Variants in IL1RAPL2 observed in about 807,000 individuals in gnomAD.
IL1RAPL2 encodes interleukin 1 receptor accessory protein like 2.
IL1RAPL2 carries 3 observed loss-of-function variants against 44.1 expected under a neutral mutation model. The ratio of observed to expected loss-of-function variants is 0.07; its 90% CI spans 0.03 to 0.18. The LOEUF (loss-of-function observed/expected upper bound fraction) is 0.18. Ranked by LOEUF, IL1RAPL2 falls within the 10% of genes least tolerant of loss-of-function variation. The probability of loss-of-function intolerance (pLI) is 1.00; values close to 1 mark genes in which losing one functional copy is unlikely to be tolerated. For synonymous variants in IL1RAPL2, 181 were observed against 178.8 expected (o/e 1.01, Z -0.10); for missense variants, 391 against 496.4 (o/e 0.79, Z 2.02).
At chrX:105,267,122 A>G (rs947210361) in intron 4 of IL1RAPL2, among the ~76,000 whole-genome samples, 9 of 110,791 alleles carry the variant, frequency 8.1e-5, no homozygotes, top group Admixed American at 9.7e-5. Flanking sequence ...ATGCTATTCT[A>G]TTTATTTTTT....
At chrX:105,467,849 C>G (rs1442147595) in intron 5 of IL1RAPL2, among the ~76,000 whole-genome samples, 1 of 111,521 alleles carries the variant, frequency 9.0e-6, no homozygotes, top group Non-Finnish European at 1.9e-5. Context: ...TAGAGCAAGT[C>G]CTCAAACTCG....
intron 2 of IL1RAPL2, among the ~76,000 whole-genome samples, chrX:104,719,624 A>C (rs369750340): frequency 1.4e-4 from 16 of 111,688 alleles, no homozygotes; most frequent in African/African-American, 4.9e-4. Flanking sequence ...AAACCTATCC[A>C]GCTGAAAGAC....
At chrX:105,278,938 C>T (rs941158830) in intron 5 of IL1RAPL2, among the ~76,000 whole-genome samples, 8 of 111,552 alleles carry the variant, frequency 7.2e-5, no homozygotes, top group African/African-American at 2.3e-4. Flanking sequence ...TTTACATTTC[C>T]GTAATTTCCT....
chrX:105,574,820 G>A (rs1052069131), intron 6 of IL1RAPL2, among the ~76,000 whole-genome samples: 1 of 111,191 alleles, frequency 9.0e-6, no homozygotes, highest in African/African-American at 3.3e-5. Context: ...ATAGCAGATG[G>A]TATGATTTTG....
At chrX:105,260,283 C>A (rs1183973211) in intron 4 of IL1RAPL2, among the ~76,000 whole-genome samples, 1 of 112,456 alleles carries the variant, frequency 8.9e-6, no homozygotes, top group Non-Finnish European at 1.9e-5. Context: ...CCCAGCCCTC[C>A]TTCTGAGAGC....
At chrX:104,850,690 T>A (rs1349351933) in intron 2 of IL1RAPL2, among the ~76,000 whole-genome samples, 1 of 111,677 alleles carries the variant, frequency 9.0e-6, no homozygotes, top group Non-Finnish European at 1.9e-5. Context: ...AATTTGAAAG[T>A]CCTTTGAGAC....
At chrX:105,274,708 T>G (rs1417610681) in intron 5 of IL1RAPL2, among the ~76,000 whole-genome samples, 4 of 111,215 alleles carry the variant, frequency 3.6e-5, no homozygotes, top group African/African-American at 1.3e-4. Flanking sequence ...TTCTAAGAAA[T>G]GTTAAGAGAG....
chrX:105,378,776 A>G (rs1022199507), intron 5 of IL1RAPL2, among the ~76,000 whole-genome samples: 13 of 112,179 alleles, frequency 1.2e-4, no homozygotes, highest in African/African-American at 3.6e-4. Flanking sequence ...ACTAACTAGG[A>G]GCATGTTCTC....
chrX:105,221,518 G>C (rs2033964294), intron 3 of IL1RAPL2, among the ~76,000 whole-genome samples: 2 of 111,527 alleles, frequency 1.8e-5, no homozygotes, highest in Admixed American at 1.9e-4. Flanking sequence ...TTTATAGGCT[G>C]AGTTTGGACA....
intron 1 of IL1RAPL2, among the ~76,000 whole-genome samples, chrX:104,617,980 A>G (rs1002482098): frequency 9.0e-6 from 1 of 111,397 alleles, no homozygotes; most frequent in Non-Finnish European, 1.9e-5. Context: ...GGCACTTCTA[A>G]TTTTTTAATT....
At chrX:104,646,129 GGA>G (rs1930035106) in intron 1 of IL1RAPL2, among the ~76,000 whole-genome samples, 1 of 111,769 alleles carries the variant, frequency 8.9e-6, no homozygotes, top group South Asian at 3.7e-4. Context: ...AAAGTAGGTG[GGA>G]GAGTTAATAA....
intron 2 of IL1RAPL2, among the ~76,000 whole-genome samples, chrX:104,677,122 T>C (rs891534322): frequency 8.9e-6 from 1 of 112,149 alleles, no homozygotes; most frequent in Non-Finnish European, 1.9e-5. Flanking sequence ...CTGTCCAGCT[T>C]TGTTCCGTTG....
intron 5 of IL1RAPL2, among the ~76,000 whole-genome samples, chrX:105,476,477 A>G (rs370225179): frequency 3.6e-5 from 4 of 111,958 alleles, no homozygotes; most frequent in South Asian, 7.5e-4. Context: ...ACAAATTTTC[A>G]AATAATTCTG....
At chrX:104,994,870 T>C in intron 2 of IL1RAPL2, among the ~76,000 whole-genome samples, 1 of 110,782 alleles carries the variant, frequency 9.0e-6, no homozygotes. Flanking sequence ...ACTAGGAGAC[T>C]TGCAAGAGTA....
At chrX:104,630,160 T>TG (rs1371123284) in intron 1 of IL1RAPL2, among the ~76,000 whole-genome samples, 1 of 103,667 alleles carries the variant, frequency 9.6e-6, no homozygotes, top group Non-Finnish European at 2.0e-5. Context: ...ATTTTTTTTT[T>TG]TTTTTGAGAC....
At chrX:104,936,334 G>T (rs914037904) in intron 2 of IL1RAPL2, among the ~76,000 whole-genome samples, 1 of 111,472 alleles carries the variant, frequency 9.0e-6, no homozygotes, top group African/African-American at 3.3e-5. Flanking sequence ...AATATATCAG[G>T]GTGTATCACA....
chrX:105,031,425 C>A (rs1398279063), intron 2 of IL1RAPL2, among the ~76,000 whole-genome samples: 1 of 111,340 alleles, frequency 9.0e-6, no homozygotes, highest in East Asian at 2.8e-4. Context: ...TCCATCAATA[C>A]CTAATTTATT....
chrX:104,738,615 C>A (rs901037252), intron 2 of IL1RAPL2, among the ~76,000 whole-genome samples: 2 of 111,148 alleles, frequency 1.8e-5, no homozygotes, highest in African/African-American at 6.6e-5. Context: ...ATGAATTTAA[C>A]ACCTAGAATT....
At position 105,195,581 on chromosome X, in the gene IL1RAPL2, C is replaced by T. The variant is rs1556140475; in HGVS notation, c.189C>T (p.Asn63=). The T allele has an allele frequency of 3.3e-6, 4 of 1,211,876 alleles. No homozygotes were observed. ...TTTTCTACAGTTATATTCGTACCAA[C>T]TATAGCACGGCCCAGAGCACTGGGC... ...CALFYSYIRT[N]YSTAQSTGLR... is the part of the protein sequence containing the mutation. Residue 63 remains asparagine, a synonymous_variant, in exon 3 of 11, where the codon AAC becomes AAT. Transcript: ENST00000372582.
Sources: gnomAD v4.1 joint callset for allele counts (sites outside exome capture counted in the v4.1 genomes callset) on GRCh38, gnomAD v4.1.1 for gene constraint, MANE v1.5 for transcripts, NCBI Gene and HGNC (gene_info 2026-07-23, HGNC 2026-07-21) for gene names.